Variants in PTPRR observed in about 807,000 individuals in gnomAD.
PTPRR encodes the protein protein tyrosine phosphatase receptor type R.
PTPRR carries 38 observed loss-of-function variants against 77.2 expected under a neutral mutation model. That is an observed-to-expected ratio of 0.49 (90% CI 0.38 to 0.65). The LOEUF (loss-of-function observed/expected upper bound fraction) is 0.65, where lower values mean the gene tolerates loss of function less well. PTPRR is among the 30% of genes least tolerant of loss of function. The pLI is 0.00. For missense variants in PTPRR, 744 were observed against 799.2 expected, an observed-to-expected ratio of 0.93 and a Z score of 0.83; for synonymous variants, 299 against 283.1, an observed-to-expected ratio of 1.06 and a Z score of -0.57.
At chr12:70,862,450 T>C (rs557662072) in intron 2 of PTPRR, among the ~76,000 whole-genome samples, 1 of 151,944 alleles carries the variant, frequency 6.6e-6, no homozygotes, top group Non-Finnish European at 1.5e-5. Flanking sequence ...GGGACATGGA[T>C]GAAGTTGGAA....
chr12:70,878,482 G>C (rs186851769), intron 2 of PTPRR, among the ~76,000 whole-genome samples: 12 of 152,018 alleles, frequency 7.9e-5, no homozygotes, highest in Non-Finnish European at 1.2e-4. Context: ...TTTATGCAGC[G>C]AAAAGACACA....
At chr12:70,886,873 A>G (rs967739441) in intron 2 of PTPRR, among the ~76,000 whole-genome samples, 1 of 152,238 alleles carries the variant, frequency 6.6e-6, no homozygotes, top group Admixed American at 6.5e-5. Context: ...CAAAATAAAA[A>G]AATCTCAACA....
At chr12:70,640,099 A>T (rs1009342507) in intron 13 of PTPRR, among the ~76,000 whole-genome samples, 6 of 152,250 alleles carry the variant, frequency 3.9e-5, no homozygotes, top group African/African-American at 1.4e-4. Flanking sequence ...TTCATGAGAA[A>T]TAACGGTGCT....
At chr12:70,713,703 T>A (rs1888917287) in intron 6 of PTPRR, among the ~76,000 whole-genome samples, 2 of 152,172 alleles carry the variant, frequency 1.3e-5, no homozygotes, top group Admixed American at 1.3e-4. Flanking sequence ...ATTCTGTGGA[T>A]AAATGCCTAA....
intron 2 of PTPRR, among the ~76,000 whole-genome samples, chr12:70,837,562 A>G (rs1219755715): frequency 1.3e-5 from 2 of 152,112 alleles, no homozygotes; most frequent in African/African-American, 4.8e-5. Flanking sequence ...CTTGTTTATT[A>G]TAAAAGGTAT....
At chr12:70,872,009 C>G (rs1013847899) in intron 2 of PTPRR, among the ~76,000 whole-genome samples, 1 of 152,138 alleles carries the variant, frequency 6.6e-6, no homozygotes, top group Admixed American at 6.5e-5. Context: ...TAAAAACAAA[C>G]ATTTGTCTGA....
At chr12:70,765,822 G>A (rs1184456037) in intron 2 of PTPRR, among the ~76,000 whole-genome samples, 1 of 152,178 alleles carries the variant, frequency 6.6e-6, no homozygotes, top group Non-Finnish European at 1.5e-5. Flanking sequence ...AAAACTTCAA[G>A]AGGAACGATC....
At chr12:70,892,609 T>A (rs898003910) in intron 2 of PTPRR, 70 bp downstream of exon 2, 1 of 1,539,582 alleles carries the variant, frequency 6.5e-7, no homozygotes, top group African/African-American at 1.4e-5. Flanking sequence ...TCAGTGTTTT[T>A]CTTTTTTCAA....
chr12:70,764,886 T>C, intron 2 of PTPRR, 108 bp from the exon 3 acceptor site: 1 of 768,070 alleles, frequency 1.3e-6, no homozygotes, highest in South Asian at 1.7e-5. Context: ...AGTTCTTGAC[T>C]CATGACTGAC....
intron 2 of PTPRR, among the ~76,000 whole-genome samples, chr12:70,862,628 G>A (rs935981371): frequency 2.7e-5 from 4 of 150,336 alleles, no homozygotes; most frequent in Admixed American, 2.0e-4. Context: ...TTTAGGAGAT[G>A]TACCTAATGC....
In PTPRR at chr12:70,745,837, G is replaced by A. The variant is rs763366766; in HGVS notation, c.988C>T (p.Pro330Ser). 2.5e-6 allele frequency: 4 copies of A among 1,613,872 alleles called. No homozygotes were observed. In the African/African-American group the frequency reaches 4.0e-5, roughly 16 times the overall value. ...TCTTACCTCTCTTGAAGTCCTATGGGCTTCATTTTGAAAGGAGAAGGGCAA... is the reference window on the plus strand; with the variant it reads ...TCTTACCTCTCTTGAAGTCCTATGGACTTCATTTTGAAAGGAGAAGGGCAA... Reference protein sequence around the residue: ...SVCPSPFKMKPIGLQERRGSN... With the variant: ...SVCPSPFKMKSIGLQERRGSN... The change falls in exon 6 of 14, where the codon CCC (proline) becomes TCC (serine). Residue 330 changes from proline (P) to serine (S), a missense_variant. Around this residue, in one of 3 missense-constraint regions of PTPRR, gnomAD observed 570 missense variants for 573.2 expected, o/e 0.99. Transcript: ENST00000283228.
chr12:70,884,841 C>T (rs996195293), intron 2 of PTPRR, among the ~76,000 whole-genome samples: 4 of 124,558 alleles, frequency 3.2e-5, no homozygotes, highest in Non-Finnish European at 6.3e-5. Context: ...CACTGCACTC[C>T]AGTCTGGGCA....
intron 10 of PTPRR, among the ~76,000 whole-genome samples, chr12:70,673,139 G>A (rs921710443): frequency 3.3e-5 from 5 of 151,956 alleles, no homozygotes; most frequent in Admixed American, 2.0e-4. Flanking sequence ...GAGAGCAACC[G>A]TCTGCTGGGG....
chr12:70,810,872 C>T (rs1204455496), intron 2 of PTPRR, among the ~76,000 whole-genome samples: 1 of 152,120 alleles, frequency 6.6e-6, no homozygotes, highest in Non-Finnish European at 1.5e-5. Context: ...GAAAAGCAAA[C>T]CTAATTGAAA....
chr12:70,719,995 A>G (rs1049656593), intron 6 of PTPRR, among the ~76,000 whole-genome samples: 1 of 152,256 alleles, frequency 6.6e-6, no homozygotes, highest in African/African-American at 2.4e-5. Flanking sequence ...TAAGTGGCGC[A>G]CAAGCGCCAC....
At chr12:70,791,946 A>G (rs1293935312) in intron 2 of PTPRR, among the ~76,000 whole-genome samples, 1 of 152,208 alleles carries the variant, frequency 6.6e-6, no homozygotes, top group East Asian at 1.9e-4. Context: ...CTTCAACCAC[A>G]TATCTCAGAG....
At chr12:70,915,633 CT>C (rs748759257) in intron 1 of PTPRR, among the ~76,000 whole-genome samples, 1 of 152,154 alleles carries the variant, frequency 6.6e-6, no homozygotes, top group Non-Finnish European at 1.5e-5. Context: ...GTTTGAAAGA[CT>C]TTTTTCACTG....
At chr12:70,716,870 T>C (rs1050040605) in intron 6 of PTPRR, among the ~76,000 whole-genome samples, 6 of 152,180 alleles carry the variant, frequency 3.9e-5, no homozygotes, top group Admixed American at 3.9e-4. Context: ...ATTTTGTGTA[T>C]CACAGAAGAC....
chr12:70,872,557 G>C (rs1424866857), intron 2 of PTPRR, among the ~76,000 whole-genome samples: 4 of 151,726 alleles, frequency 2.6e-5, no homozygotes, highest in South Asian at 4.2e-4. Context: ...TTAGCCAGGC[G>C]TGGTGGCGGG....
Sources: allele counts gnomAD v4.1 joint callset (sites outside exome capture counted in the v4.1 genomes callset), GRCh38; gene constraint gnomAD v4.1.1; regional missense constraint gnomAD v4.1.1; transcripts MANE v1.5; gene names NCBI Gene and HGNC (gene_info 2026-07-23, HGNC 2026-07-21).